Variants in PBRM1 observed in about 807,000 individuals in gnomAD.
The protein encoded by PBRM1 is protein polybromo-1.
Under a neutral mutation model 194.5 loss-of-function variants are expected in PBRM1, and 27 were observed. The ratio of observed to expected loss-of-function variants is 0.14; its 90% CI spans 0.10 to 0.19. The LOEUF is 0.19. Among genes scored for constraint, PBRM1 ranks in the 10% least tolerant of loss-of-function variants. The probability of loss-of-function intolerance (pLI) is 1.00; values close to 1 mark genes in which losing one functional copy is unlikely to be tolerated. For synonymous variants in PBRM1, 655 were observed against 693.2 expected (o/e 0.94, Z 0.87); for missense variants, 1,466 against 2,077.2 (o/e 0.71, Z 5.72).
chr3:52,670,456 T>C (rs1481494061), intron 2 of PBRM1, among the ~76,000 whole-genome samples: 1 of 152,228 alleles, frequency 6.6e-6, no homozygotes, highest in Non-Finnish European at 1.5e-5. Context: ...TATAGGCACA[T>C]GTACACACAA....
upstream of PBRM1, among the ~76,000 whole-genome samples, chr3:52,680,776 C>T (rs139646780): frequency 4.0e-3 from 612 of 152,240 alleles, 3 homozygotes; most frequent in South Asian, 0.023. Context: ...ATTCTCCTGC[C>T]TCAGCCTCCA....
At chr3:52,669,369 A>C (rs921216824) in intron 2 of PBRM1, among the ~76,000 whole-genome samples, 2 of 152,200 alleles carry the variant, frequency 1.3e-5, no homozygotes, top group Non-Finnish European at 2.9e-5. Flanking sequence ...AAAATAATTA[A>C]GTAATTTCCT....
chr3:52,640,719 G>A (rs759129413), intron 10 of PBRM1, among the ~76,000 whole-genome samples: 3 of 151,816 alleles, frequency 2.0e-5, no homozygotes, highest in African/African-American at 4.8e-5. Flanking sequence ...TCGGTTTACT[G>A]CAGTCTCCAC....
chr3:52,620,707 AG>A (rs1468878200), intron 13 of PBRM1, among the ~76,000 whole-genome samples: 1 of 152,212 alleles, frequency 6.6e-6, no homozygotes, highest in Non-Finnish European at 1.5e-5. Flanking sequence ...GTGGAAATCT[AG>A]TTGTATATAT....
At chr3:52,638,732 T>C (rs1415704830) in intron 10 of PBRM1, among the ~76,000 whole-genome samples, 1 of 151,820 alleles carries the variant, frequency 6.6e-6, no homozygotes, top group East Asian at 1.9e-4. Flanking sequence ...TAGGTAGGAC[T>C]ACAGACATGC....
chr3:52,638,699 T>C (rs2095929273), intron 10 of PBRM1, among the ~76,000 whole-genome samples: 1 of 151,816 alleles, frequency 6.6e-6, no homozygotes, highest in Admixed American at 6.6e-5. Context: ...GCTCAGGCAA[T>C]CCTCCTGCCT....
chr3:52,581,017 T>C (rs2091021986), intron 20 of PBRM1, among the ~76,000 whole-genome samples: 1 of 152,244 alleles, frequency 6.6e-6, no homozygotes, highest in Admixed American at 6.5e-5. Flanking sequence ...CAAGGCTAGA[T>C]GTTATAAATA....
chr3:52,619,951 T>G (rs1462593006), intron 13 of PBRM1, among the ~76,000 whole-genome samples: 2 of 152,240 alleles, frequency 1.3e-5, no homozygotes, highest in Non-Finnish European at 2.9e-5. Flanking sequence ...TGACTGCTTA[T>G]TTCCTGCTCA....
At chr3:52,618,510 TAAA>T (rs966420569) in intron 13 of PBRM1, among the ~76,000 whole-genome samples, 5 of 151,440 alleles carry the variant, frequency 3.3e-5, no homozygotes, top group African/African-American at 1.2e-4. Context: ...TCTAGCCAGA[TAAA>T]GAAATTCTAG....
At chr3:52,600,559 T>C (rs908413054) in intron 17 of PBRM1, among the ~76,000 whole-genome samples, 7 of 152,206 alleles carry the variant, frequency 4.6e-5, no homozygotes, top group Non-Finnish European at 1.0e-4. Flanking sequence ...CTCATTCATA[T>C]CCTGAATTGT....
chr3:52,672,517 A>T (rs2096971930), intron 2 of PBRM1, among the ~76,000 whole-genome samples: 1 of 119,218 alleles, frequency 8.4e-6, no homozygotes, highest in Admixed American at 1.1e-4. Flanking sequence ...TTTTTGAGTC[A>T]GAGTTTCACT....
At chr3:52,658,865 C>T (rs1036467992) in intron 4 of PBRM1, among the ~76,000 whole-genome samples, 5 of 152,160 alleles carry the variant, frequency 3.3e-5, no homozygotes, top group African/African-American at 7.2e-5. Flanking sequence ...TTCTACTGAA[C>T]CTTTTTCTAC....
In PBRM1 at chr3:52,629,852, G is replaced by C. The variant is rs372718000; in HGVS notation, c.1302-817C>G. ...CAGTTAACAATAATATGTATAAACA[G>C]CTTCACAGAATAAGTGAATTTTCTC... On this transcript the variant is annotated intron_variant, in intron 11 of 29. Coordinates refer to ENST00000296302, the Ensembl canonical transcript of PBRM1. Among the ~76,000 whole-genome samples the C allele has an allele frequency of 3.4e-4, 52 of 152,308 alleles. No individual in the cohort carries two copies. The Middle Eastern group carries it at 0.01, about 30-fold the overall frequency.
chr3:52,627,779 T>G (rs1030988984), intron 12 of PBRM1, among the ~76,000 whole-genome samples: 1 of 152,170 alleles, frequency 6.6e-6, no homozygotes, highest in Non-Finnish European at 1.5e-5. Flanking sequence ...AAGTGAAAGA[T>G]CTACTTTTCA....
downstream of PBRM1, chr3:52,547,524 T>C (rs1251358903): frequency 4.3e-6 from 1 of 233,464 alleles, no homozygotes; most frequent in Non-Finnish European, 8.5e-6. Context: ...AAGAAACAGC[T>C]TTTGCAGAAA....
chr3:52,678,282 C>T (rs2097146963), intron 2 of PBRM1, among the ~76,000 whole-genome samples: 1 of 151,998 alleles, frequency 6.6e-6, no homozygotes, highest in Non-Finnish European at 1.5e-5. Context: ...AATCAAGTAG[C>T]TGGGATTATA....
chr3:52,647,104 T>C (rs1027146702), intron 7 of PBRM1, among the ~76,000 whole-genome samples: 14 of 152,126 alleles, frequency 9.2e-5, no homozygotes, highest in Middle Eastern at 3.4e-3. Flanking sequence ...GATCTGAACA[T>C]TTCTCTAAAG....
intron 29 of PBRM1, among the ~76,000 whole-genome samples, chr3:52,548,632 G>A (rs2080066639): frequency 6.6e-6 from 1 of 152,052 alleles, no homozygotes; most frequent in Admixed American, 6.6e-5. Context: ...CACCATGTTG[G>A]CCAGGCTGGT....
chr3:52,646,460 T>C (rs1350276672), intron 7 of PBRM1, among the ~76,000 whole-genome samples: 1 of 152,206 alleles, frequency 6.6e-6, no homozygotes, highest in Non-Finnish European at 1.5e-5. Flanking sequence ...GATTGCTTTT[T>C]ATATTTATGA....
Sources: allele counts gnomAD v4.1 joint callset (sites outside exome capture counted in the v4.1 genomes callset), GRCh38; gene constraint gnomAD v4.1.1; transcripts MANE v1.5; gene names NCBI Gene and HGNC (gene_info 2026-07-23, HGNC 2026-07-21).